Variants in METTL8 observed in about 807,000 individuals in gnomAD.
METTL8 encodes methyltransferase 8, tRNA N3-cytidine.
Under a neutral mutation model 48.7 loss-of-function variants are expected in METTL8, and 32 were observed. The observed-to-expected ratio is 0.66, with a 90% CI of 0.50 to 0.88. METTL8 has a LOEUF of 0.88. METTL8 is among the 40% of genes least tolerant of loss of function. METTL8 has a pLI of 0.00. For synonymous variants in METTL8, 136 were observed against 157.1 expected, an observed-to-expected ratio of 0.87 and a Z score of 1.01; for missense variants, 464 against 474.4, an observed-to-expected ratio of 0.98 and a Z score of 0.20.
intron 2 of METTL8, among the ~76,000 whole-genome samples, chr2:171,385,845 C>G (rs1687998710): frequency 6.6e-6 from 1 of 152,178 alleles, no homozygotes; most frequent in South Asian, 2.1e-4. Context: ...TCTTTTAAAT[C>G]CTAGGATTCC....
At chr2:171,402,669 C>T (rs113654914) in intron 1 of METTL8, among the ~76,000 whole-genome samples, 72 of 152,144 alleles carry the variant, frequency 4.7e-4, no homozygotes, top group African/African-American at 1.7e-3. Flanking sequence ...CATCACATCC[C>T]GGTGGCAACA....
At chr2:171,399,037 T>G (rs547382643) in intron 1 of METTL8, among the ~76,000 whole-genome samples, 3 of 152,236 alleles carry the variant, frequency 2.0e-5, no homozygotes, top group Admixed American at 6.5e-5. Context: ...CAAATTAATG[T>G]CACATCAAAG....
upstream of METTL8, chr2:171,434,565 G>A (rs1433724745): frequency 3.7e-5 from 56 of 1,525,420 alleles, no homozygotes; most frequent in Middle Eastern, 4.4e-4. Context: ...CCCAGGGCCC[G>A]GCCCGCGCCT....
intron 1 of METTL8, among the ~76,000 whole-genome samples, chr2:171,393,507 A>C (rs1688780728): frequency 6.6e-6 from 1 of 152,054 alleles, no homozygotes; most frequent in Non-Finnish European, 1.5e-5. Flanking sequence ...AATAACAAGC[A>C]TTTAAAGAGT....
At chr2:171,371,452 G>A (rs1290671172) in intron 2 of METTL8, among the ~76,000 whole-genome samples, 1 of 152,100 alleles carries the variant, frequency 6.6e-6, no homozygotes, top group East Asian at 1.9e-4. Context: ...CGCCTCCCAG[G>A]TTCAAGTGAT....
intron 1 of METTL8, among the ~76,000 whole-genome samples, chr2:171,417,002 C>T (rs1372707813): frequency 6.6e-6 from 1 of 152,242 alleles, no homozygotes; most frequent in African/African-American, 2.4e-5. Flanking sequence ...CTGAACCCTA[C>T]ATCTGAGGGG....
rs1336164242 is a variant in METTL8, at chr2:171,326,161, A to G, written c.861-13T>C. 1.5e-6 allele frequency: 2 copies of G among 1,354,406 alleles called. No homozygotes were observed. The highest frequency in any genetic ancestry group is 2.0e-6 in the Non-Finnish European group (2 of 978,936). 83.9% of individuals were successfully genotyped at this position (1,354,406 alleles called of 1,614,324 possible). Reference sequence around the variant, plus strand: ...AACACCTTGCATCCTTTGGAAACAAAGTATTAAAAAGATACCCAGTTTGTA... The same window carrying G: ...AACACCTTGCATCCTTTGGAAACAAGGTATTAAAAAGATACCCAGTTTGTA... On this transcript the variant is annotated splice_polypyrimidine_tract_variant and intron_variant, in intron 7 of 9. Transcript: ENST00000375258.
intron 1 of METTL8, among the ~76,000 whole-genome samples, chr2:171,413,506 T>C (rs2105629754): frequency 6.6e-6 from 1 of 152,334 alleles, no homozygotes; most frequent in South Asian, 2.1e-4. Flanking sequence ...CATAATAACA[T>C]ACAATGGGTT....
chr2:171,391,002 A>G (rs1423885093), intron 2 of METTL8, among the ~76,000 whole-genome samples: 3 of 152,244 alleles, frequency 2.0e-5, no homozygotes, highest in Non-Finnish European at 4.4e-5. Context: ...ATCAAACAGC[A>G]TCACATGCTA....
At chr2:171,359,619 GT>G (rs371821670) in intron 3 of METTL8, among the ~76,000 whole-genome samples, 117 of 144,884 alleles carry the variant, frequency 8.1e-4, no homozygotes, top group Middle Eastern at 3.6e-3. Context: ...AACATTTCCG[GT>G]TTTTTTTTTT....
chr2:171,428,986 T>A (rs1347843045), intron 1 of METTL8, among the ~76,000 whole-genome samples: 8 of 152,194 alleles, frequency 5.3e-5, no homozygotes, highest in Non-Finnish European at 1.2e-4. Context: ...AAGTGCCTGG[T>A]ATTCTACCCA....
chr2:171,336,262 A>AT (rs1186677383), intron 5 of METTL8, among the ~76,000 whole-genome samples: 4 of 150,416 alleles, frequency 2.7e-5, no homozygotes, highest in South Asian at 2.1e-4. Flanking sequence ...CACCCAGCTA[A>AT]TTTTTTGTAT....
At chr2:171,416,068 C>A (rs1383171747) in intron 1 of METTL8, among the ~76,000 whole-genome samples, 1 of 152,244 alleles carries the variant, frequency 6.6e-6, no homozygotes, top group Non-Finnish European at 1.5e-5. Context: ...CTATGGCAGG[C>A]ACTTGCTACA....
At chr2:171,326,611 T>C (rs1684988309) in intron 7 of METTL8, among the ~76,000 whole-genome samples, 4 of 152,234 alleles carry the variant, frequency 2.6e-5, no homozygotes. Flanking sequence ...TTTTCTTTAT[T>C]TAGTTCGGAG....
chr2:171,414,847 G>A (rs2105634941), intron 1 of METTL8: 1 of 152,288 alleles, frequency 6.6e-6, no homozygotes, highest in South Asian at 2.1e-4. Context: ...CATGTTGCGG[G>A]AGGCATCTGG....
At chr2:171,434,074 G>T (rs1693534449), upstream of METTL8, 1 of 304,848 alleles carries the variant, frequency 3.3e-6, no homozygotes, top group African/African-American at 2.4e-5. Flanking sequence ...GCGCCCCCAG[G>T]GCTCTGCCCA....
chr2:171,356,222 C>T (rs1340092862), intron 3 of METTL8, among the ~76,000 whole-genome samples: 1 of 152,118 alleles, frequency 6.6e-6, no homozygotes, highest in Admixed American at 6.5e-5. Context: ...CTCACTGCAA[C>T]CTCTGCTTCC....
intron 1 of METTL8, among the ~76,000 whole-genome samples, chr2:171,393,310 G>T (rs143815565): frequency 6.7e-6 from 1 of 149,130 alleles, no homozygotes; most frequent in Non-Finnish European, 1.5e-5. Context: ...CCAGCTACAC[G>T]AGAGGCCAAG....
In METTL8 at chr2:171,392,148, C is replaced by A; in HGVS notation, c.38G>T (p.Arg13Met). 1 of 1,551,608 alleles carries A rather than the reference C, an allele frequency of 6.4e-7. No individual in the cohort carries two copies. ...MIWRNSISCL[R>M]LGKVPHRYQS... ...GTATCTGTGTGGCACCTTTCCTAGC[C>A]TTAGACAAGAAATGGAATTTCTCCA... Residue 13 changes from arginine to methionine, a missense_variant, in exon 2 of 10, where the codon AGG becomes ATG. Transcript: ENST00000375258.
Sources: allele counts gnomAD v4.1 joint callset (sites outside exome capture counted in the v4.1 genomes callset), GRCh38; gene constraint gnomAD v4.1.1; transcripts MANE v1.5; gene names NCBI Gene and HGNC (gene_info 2026-07-23, HGNC 2026-07-21).